ZNF44: variants seen among roughly 807,000 people sequenced by gnomAD.
ZNF44 encodes the protein zinc finger protein 44.
In ZNF44, 9 loss-of-function variants were observed where a neutral mutation model predicts 11.7. The observed-to-expected ratio is 0.77, with a 90% CI of 0.46 to 1.35. The LOEUF is 1.35. Among genes scored for constraint, ZNF44 ranks in the 40% most tolerant of loss-of-function variants. The pLI, the probability that ZNF44 is intolerant of heterozygous loss-of-function variation, is 0.00. For synonymous variants in ZNF44, 224 were observed against 242.7 expected, an observed-to-expected ratio of 0.92 and a Z score of 0.72; for missense variants, 696 against 743.1, an observed-to-expected ratio of 0.94 and a Z score of 0.74.
At chr19:12,281,234 G>GC (rs1369791747) in intron 1 of ZNF44, among the ~76,000 whole-genome samples, 12 of 152,124 alleles carry the variant, frequency 7.9e-5, no homozygotes, top group African/African-American at 2.9e-4. Context: ...TTTAAAGTAT[G>GC]CGATCAAATC....
chr19:12,241,078 T>C (rs1051786598), upstream of ZNF44, among the ~76,000 whole-genome samples: 1 of 151,870 alleles, frequency 6.6e-6, no homozygotes, highest in African/African-American at 2.4e-5. Context: ...AATGAGCCCA[T>C]TCAAAAATGA....
chr19:12,275,792 AAGATT>A (rs1346260314), intron 2 of ZNF44, among the ~76,000 whole-genome samples, 159 bp downstream of exon 2: 1 of 152,208 alleles, frequency 6.6e-6, no homozygotes, highest in Non-Finnish European at 1.5e-5. Flanking sequence ...TGGCAGACAA[AAGATT>A]ATATGAGGAC....
At chr19:12,266,795 G>A (rs1361120638) in intron 5 of ZNF44, among the ~76,000 whole-genome samples, 2 of 152,178 alleles carry the variant, frequency 1.3e-5, no homozygotes, top group Non-Finnish European at 2.9e-5. Flanking sequence ...AGCTGGCACT[G>A]GCGTCTCCCT....
At chr19:12,264,332 G>A (rs1319347570) in intron 5 of ZNF44, among the ~76,000 whole-genome samples, 3 of 152,160 alleles carry the variant, frequency 2.0e-5, no homozygotes, top group African/African-American at 4.8e-5. Flanking sequence ...GCACCCTAAG[G>A]AGAACCACCT....
At chr19:12,256,554 AT>A (rs1425485508) in intron 5 of ZNF44, among the ~76,000 whole-genome samples, 1 of 151,890 alleles carries the variant, frequency 6.6e-6, no homozygotes, top group Non-Finnish European at 1.5e-5. Flanking sequence ...TTACCACATA[AT>A]TTTCAGGAAT....
chr19:12,248,776 G>T, intron 7 of ZNF44: 1 of 789,280 alleles, frequency 1.3e-6, no homozygotes, highest in Non-Finnish European at 1.7e-6. Flanking sequence ...TTCAGGGAAA[G>T]TACAGATTTT....
At chr19:12,260,548 C>G (rs929325540) in intron 5 of ZNF44, 34 of 828,990 alleles carry the variant, frequency 4.1e-5, no homozygotes, top group Non-Finnish European at 6.5e-5. Flanking sequence ...GCCCCCTGCC[C>G]CCAAAGCAAT....
downstream of ZNF44, among the ~76,000 whole-genome samples, chr19:12,267,138 G>A (rs574528652): frequency 1.3e-4 from 19 of 150,946 alleles, no homozygotes; most frequent in South Asian, 4.0e-3. Flanking sequence ...TCTGCCTCAC[G>A]GGTTCAAGCA....
intron 5 of ZNF44, among the ~76,000 whole-genome samples, chr19:12,264,420 T>G (rs1014887721): frequency 2.6e-5 from 4 of 152,196 alleles, no homozygotes; most frequent in African/African-American, 7.2e-5. Context: ...CGCTCACTAG[T>G]CATGCGGCTT....
chr19:12,289,291 G>A (rs1206999913), intron 1 of ZNF44, among the ~76,000 whole-genome samples: 1 of 152,054 alleles, frequency 6.6e-6, no homozygotes, highest in African/African-American at 2.4e-5. Context: ...CTGAGCAAGA[G>A]TGAAATTGTG....
rs1337651295 is a variant in ZNF44, at chr19:12,284,539, TGGA to T, written c.4-8460_4-8458del. The T allele has an allele frequency of 9.9e-6, 7 of 703,552 alleles. No individual in the cohort carries two copies. The African/African-American group carries it at 1.0e-4, about 10-fold the overall frequency. The allele number at this position is 703,552 out of a possible 1,614,324, so 43.6% of individuals were successfully genotyped here. A position where few individuals can be genotyped will look rare whatever the true frequency, so the allele number is the denominator to read the frequency against. ...GTCAAGGACATGAAGATCTAGTCCC[TGGA>T]GGAGATCTATCTCTTCTCCCTGCCC... On this transcript the variant is annotated intron_variant, in intron 1 of 3. Transcript: ENST00000355684.
chr19:12,258,730 T>C (rs1168739281), intron 5 of ZNF44, among the ~76,000 whole-genome samples: 1 of 151,992 alleles, frequency 6.6e-6, no homozygotes, highest in African/African-American at 2.4e-5. Flanking sequence ...CTCAGGAGGC[T>C]GAGGCAGGAA....
chr19:12,282,423 T>TC (rs1483531036), intron 1 of ZNF44, among the ~76,000 whole-genome samples: 6 of 144,602 alleles, frequency 4.1e-5, no homozygotes, highest in African/African-American at 1.0e-4. Flanking sequence ...GAAGTCTTCT[T>TC]TTTTTTTTTT....
In ZNF44 at chr19:12,273,449, A is replaced by G; in HGVS notation, c.806T>C (p.Leu269Pro). 1.9e-6 allele frequency: 3 copies of G among 1,613,866 alleles called. No individual in the cohort carries two copies. The highest frequency in any genetic ancestry group is 2.5e-6 in the Non-Finnish European group (3 of 1,179,966). Residue 269 changes from leucine to proline, a missense_variant, in exon 4 of 4, where the codon CTA becomes CCA. Physicochemically the swap from Leu to Pro is moderately conservative, Grantham distance 98 (BLOSUM62 -3). Transcript: ENST00000355684. ...TCCAGTGTGAGTTCTTTCATGTCTT[A>G]GATATGAACTGTAATCAGGGAAGGC... ...SKAFPDYSSY[L>P]RHERTHTGEK...
chr19:12,268,400 A>G (rs1330952328), downstream of ZNF44, among the ~76,000 whole-genome samples: 1 of 152,102 alleles, frequency 6.6e-6, no homozygotes, highest in Non-Finnish European at 1.5e-5. Flanking sequence ...CAGACCATAA[A>G]TGAAGATTAT....
At chr19:12,267,605 T>C (rs186959805), downstream of ZNF44, among the ~76,000 whole-genome samples, 18 of 152,140 alleles carry the variant, frequency 1.2e-4, no homozygotes, top group African/African-American at 4.3e-4. Context: ...CAGTCCCTGG[T>C]GATGAGGCAG....
intron 2 of ZNF44, among the ~76,000 whole-genome samples, chr19:12,275,396 C>A (rs936886535): frequency 1.3e-5 from 2 of 152,142 alleles, no homozygotes; most frequent in East Asian, 3.8e-4. Flanking sequence ...TGCCTGTAAT[C>A]CCAGCACTTT....
intron 5 of ZNF44, among the ~76,000 whole-genome samples, chr19:12,251,555 TG>T (rs1387603192): frequency 6.6e-5 from 10 of 152,298 alleles, no homozygotes; most frequent in Admixed American, 5.2e-4. Context: ...ATTAAGTTAC[TG>T]GGAAGTTAGA....
chr19:12,228,767 T>G (rs1712696352), intron 3 of ZNF44, among the ~76,000 whole-genome samples: 3 of 152,296 alleles, frequency 2.0e-5, no homozygotes, highest in Admixed American at 2.0e-4. Flanking sequence ...CTAGACTGCC[T>G]AAGTCCATAA....
Sources: allele counts gnomAD v4.1 joint callset (sites outside exome capture counted in the v4.1 genomes callset), GRCh38; gene constraint gnomAD v4.1.1; transcripts MANE v1.5; gene names NCBI Gene and HGNC (gene_info 2026-07-23, HGNC 2026-07-21).